The following GRM7 variants were observed in gnomAD, a reference collection of about 807,000 sequenced individuals.
GRM7 encodes the protein metabotropic glutamate receptor 7.
In GRM7, 35 loss-of-function variants were observed where a neutral mutation model predicts 84.5. The ratio of observed to expected loss-of-function variants is 0.41; its 90% CI spans 0.32 to 0.55. The LOEUF is 0.55. Among genes scored for constraint, GRM7 ranks in the 20% least tolerant of loss-of-function variants. GRM7 has a pLI of 0.19. For synonymous variants in GRM7, 487 were observed against 455.1 expected (o/e 1.07, Z -0.89); for missense variants, 1,003 against 1,194.6 (o/e 0.84, Z 2.36).
intron 9 of GRM7, among the ~76,000 whole-genome samples, chr3:7,706,165 A>G (rs1701380157): frequency 6.6e-6 from 1 of 152,216 alleles, no homozygotes; most frequent in African/African-American, 2.4e-5. Context: ...CCCTAGACAT[A>G]GAAAAAACAA....
At chr3:7,655,838 G>A (rs866673287) in intron 8 of GRM7, among the ~76,000 whole-genome samples, 5 of 152,202 alleles carry the variant, frequency 3.3e-5, no homozygotes, top group Middle Eastern at 6.8e-3. Flanking sequence ...CACTTTTCAG[G>A]AATTTTGGAC....
chr3:7,488,858 C>CTTATTTATTTACTTATTTATTTAT (rs1553605587), intron 7 of GRM7, among the ~76,000 whole-genome samples: 1 of 147,484 alleles, frequency 6.8e-6, no homozygotes. Flanking sequence ...CTAGTAAGGT[C>CTTATTTATTTACTTATTTATTTAT]TTATTTATTT....
intron 2 of GRM7, among the ~76,000 whole-genome samples, chr3:7,176,941 C>T (rs1169973816): frequency 2.0e-5 from 3 of 152,168 alleles, no homozygotes; most frequent in Non-Finnish European, 2.9e-5. Flanking sequence ...TCATGTGAAG[C>T]GGAATTAAAG....
chr3:7,069,153 C>T (rs1697773851), intron 1 of GRM7, among the ~76,000 whole-genome samples: 1 of 151,676 alleles, frequency 6.6e-6, no homozygotes, highest in Non-Finnish European at 1.5e-5. Flanking sequence ...AATATTGAAA[C>T]TATTTGCAAG....
chr3:7,535,101 A>C (rs191367115), intron 7 of GRM7: 2 of 152,216 alleles, frequency 1.3e-5, no homozygotes, highest in East Asian at 3.9e-4. Flanking sequence ...ATTTCTTCCT[A>C]TGTGTCTTTT....
intron 1 of GRM7, among the ~76,000 whole-genome samples, chr3:7,056,347 G>A (rs905693838): frequency 6.6e-5 from 10 of 151,894 alleles, no homozygotes; most frequent in African/African-American, 2.4e-4. Context: ...TTATCCTCAG[G>A]TGCCTTTTAG....
At chr3:7,288,821 A>G (rs1168056837) in intron 2 of GRM7, among the ~76,000 whole-genome samples, 3 of 152,156 alleles carry the variant, frequency 2.0e-5, no homozygotes, top group African/African-American at 7.2e-5. Flanking sequence ...CAAAGGTCTG[A>G]TAATATCCCG....
At chr3:6,985,723 A>G in intron 1 of GRM7, among the ~76,000 whole-genome samples, 1 of 152,204 alleles carries the variant, frequency 6.6e-6, no homozygotes, top group East Asian at 1.9e-4. Flanking sequence ...GGTAGTAAGA[A>G]AAGGATGATA....
chr3:6,939,358 A>G (rs712755), intron 1 of GRM7, among the ~76,000 whole-genome samples: 38,656 of 151,988 alleles, frequency 0.25, 5,098 homozygotes, highest in East Asian at 0.34. Context: ...TCTTGACTTC[A>G]TAGGATAACA....
chr3:6,949,146 A>G (rs1202167679), intron 1 of GRM7, among the ~76,000 whole-genome samples: 4 of 152,170 alleles, frequency 2.6e-5, no homozygotes, highest in Non-Finnish European at 2.9e-5. Context: ...GTTTATTCCT[A>G]GCCTCGATGG....
chr3:7,480,532 C>G (rs1482157699), intron 7 of GRM7, among the ~76,000 whole-genome samples: 1 of 152,154 alleles, frequency 6.6e-6, no homozygotes, highest in East Asian at 1.9e-4. Flanking sequence ...ATCCACCCCA[C>G]CAGTGTGTTT....
At chr3:7,300,808 T>G (rs932813588) in intron 3 of GRM7, among the ~76,000 whole-genome samples, 1 of 152,156 alleles carries the variant, frequency 6.6e-6, no homozygotes, top group African/African-American at 2.4e-5. Context: ...GGTGCCATTT[T>G]TATTGTTGGA....
chr3:7,636,237 T>C (rs1435520336), intron 8 of GRM7: 2 of 456,578 alleles, frequency 4.4e-6, no homozygotes, highest in African/African-American at 4.0e-5. Flanking sequence ...ATGTCTTCTC[T>C]TACCCCACTT....
chr3:7,661,482 T>C (rs1209527187), intron 8 of GRM7, among the ~76,000 whole-genome samples: 3 of 152,086 alleles, frequency 2.0e-5, no homozygotes, highest in African/African-American at 4.8e-5. Context: ...ACTGAAACTC[T>C]CATACACTGC....
rs117533964 is a variant in GRM7, at chr3:7,740,570, T to C, written c.*164T>C. ...CCAAGCGACCTAAACAGCTGCTTTA[T>C]GAAATATCCTTACTTTATCTGGGCT... On this transcript the variant is annotated 3_prime_UTR_variant, in exon 10 of 10. Transcript: ENST00000357716. 4,346 of 478,582 alleles carry C rather than the reference T, an allele frequency of 9.1e-3. 132 individuals carry two copies. Among genetic ancestry groups the C allele is most frequent in the East Asian group, 0.074 (2,085 of 28,232 alleles). The allele number at this position is 478,582 out of a possible 1,614,324, so 29.6% of individuals were successfully genotyped here.
intron 7 of GRM7, among the ~76,000 whole-genome samples, chr3:7,542,225 C>A (rs138436602): frequency 5.3e-4 from 80 of 152,306 alleles, no homozygotes; most frequent in African/African-American, 1.6e-3. Context: ...GGACACAATT[C>A]AACCCATAAC....
Position 7,207,375 on chromosome 3 carries a change from C to G in GRM7, c.736+60707C>G, listed in dbSNP as rs77154775. Among the ~76,000 whole-genome samples, 1,517 of 152,240 alleles carry G rather than the reference C, an allele frequency of 1.0e-2. 13 individuals are homozygous for G. Among genetic ancestry groups the G allele is most frequent in the South Asian group, 0.021 (103 of 4,818 alleles). ...GCCTCTCAAAAATGACTGAGCTTGC[C>G]AAGTGTTTCTGTGAAATATGCAAAT... On this transcript the variant is annotated intron_variant, in intron 2 of 9. Transcript: ENST00000357716.
chr3:7,307,100 T>C (rs755369310), intron 4 of GRM7, among the ~76,000 whole-genome samples: 3 of 151,368 alleles, frequency 2.0e-5, no homozygotes, highest in Admixed American at 6.6e-5. Context: ...GAGGCTGTAA[T>C]ACAGCACACC....
At chr3:6,978,311 G>T (rs1694074643) in intron 1 of GRM7, among the ~76,000 whole-genome samples, 1 of 152,124 alleles carries the variant, frequency 6.6e-6, no homozygotes. Flanking sequence ...CTCCCTTAGA[G>T]ATTCTGGAGG....
Sources: allele counts gnomAD v4.1 joint callset (sites outside exome capture counted in the v4.1 genomes callset), GRCh38; gene constraint gnomAD v4.1.1; transcripts MANE v1.5; gene names NCBI Gene and HGNC (gene_info 2026-07-23, HGNC 2026-07-21).